Variants in CSMD2 observed in about 807,000 individuals in gnomAD.
The protein encoded by CSMD2 is CUB and Sushi multiple domains 2, also known as CUB and sushi domain-containing protein 2.
CSMD2 carries 130 observed loss-of-function variants against 398.5 expected under a neutral mutation model. That is an observed-to-expected ratio of 0.33 (90% CI 0.28 to 0.38). The LOEUF (loss-of-function observed/expected upper bound fraction) is 0.38, where lower values mean the gene tolerates loss of function less well. CSMD2 is among the 10% of genes least tolerant of loss of function. The probability of loss-of-function intolerance (pLI) is 1.00; values close to 1 mark genes in which losing one functional copy is unlikely to be tolerated. For missense variants in CSMD2, 3,829 were observed against 4,764.9 expected, an observed-to-expected ratio of 0.80 and a Z score of 5.78; for synonymous variants, 1,828 against 1,908.5, an observed-to-expected ratio of 0.96 and a Z score of 1.10.
chr1:33,969,921 C>T (rs1262225755), intron 3 of CSMD2, among the ~76,000 whole-genome samples: 4 of 151,788 alleles, frequency 2.6e-5, no homozygotes, highest in African/African-American at 7.3e-5. Flanking sequence ...AGATCAGCCT[C>T]AACATGGAGA....
chr1:33,759,760 C>T (rs1328662252), intron 13 of CSMD2, among the ~76,000 whole-genome samples: 1 of 152,192 alleles, frequency 6.6e-6, no homozygotes, highest in African/African-American at 2.4e-5. Flanking sequence ...CCTTTCTTGG[C>T]ATGAGGTCTT....
intron 2 of CSMD2, among the ~76,000 whole-genome samples, chr1:34,079,216 C>A (rs1362265561): frequency 6.6e-6 from 1 of 152,072 alleles, no homozygotes; most frequent in Non-Finnish European, 1.5e-5. Context: ...CAAGGCTAGC[C>A]ACTCTGACCA....
At chr1:34,151,819 C>T (rs576100527) in intron 1 of CSMD2, among the ~76,000 whole-genome samples, 1 of 147,920 alleles carries the variant, frequency 6.8e-6, no homozygotes, top group Admixed American at 6.7e-5. Flanking sequence ...CTCCCTCCCC[C>T]CCCTTCTCTC....
intron 1 of CSMD2, among the ~76,000 whole-genome samples, chr1:34,158,670 GTAGTAA>G (rs572043954): frequency 6.6e-6 from 1 of 152,192 alleles, no homozygotes; most frequent in African/African-American, 2.4e-5. Context: ...GACCGTAGTT[GTAGTAA>G]TAGTAATAGT....
chr1:33,864,788 C>T (rs762271405), intron 5 of CSMD2: 54 of 1,533,868 alleles, frequency 3.5e-5, no homozygotes, highest in Non-Finnish European at 3.5e-5. Context: ...GCCATTCAAC[C>T]GTATTTCCTG....
chr1:33,931,487 TG>T (rs1644311284), intron 4 of CSMD2, among the ~76,000 whole-genome samples: 2 of 125,436 alleles, frequency 1.6e-5, no homozygotes, highest in Non-Finnish European at 3.3e-5. Flanking sequence ...GGGAGGTGAC[TG>T]GGGGTGGGGG....
At chr1:33,898,756 A>T (rs1017635076) in intron 5 of CSMD2, among the ~76,000 whole-genome samples, 1 of 152,200 alleles carries the variant, frequency 6.6e-6, no homozygotes, top group African/African-American at 2.4e-5. Context: ...GCCAGGGCTG[A>T]AGGAAGCTTG....
At chr1:34,022,098 T>C (rs943979345) in intron 3 of CSMD2, among the ~76,000 whole-genome samples, 4 of 152,184 alleles carry the variant, frequency 2.6e-5, no homozygotes, top group East Asian at 1.9e-4. Flanking sequence ...GCCTTTCACA[T>C]GGGGCAAGAC....
chr1:33,640,813 A>G (rs746380873), intron 29 of CSMD2, among the ~76,000 whole-genome samples: 2 of 152,224 alleles, frequency 1.3e-5, no homozygotes, highest in Non-Finnish European at 2.9e-5. Flanking sequence ...AATATAAGAT[A>G]GTTCTAATTT....
chr1:33,614,017 C>T lies in CSMD2; in HGVS notation c.6133+487G>A, dbSNP rs750648205. 7.9e-5 allele frequency among the ~76,000 whole-genome samples: 12 copies of T among 151,962 alleles called. 1 individual carries two copies. Among genetic ancestry groups the T allele is most frequent in the Admixed American group, 5.2e-4 (8 of 15,264 alleles). ...CTCTAGGCCAGCTAGAATGTGCATA[C>T]GAAGAAGAATGCAAACTCGATTTCT... is the stretch of plus-strand genomic sequence containing the variant. On this transcript the variant is annotated intron_variant, in intron 40 of 70. Coordinates refer to ENST00000373381, the MANE Select transcript of CSMD2 (RefSeq NM_001281956.2).
At chr1:33,644,787 A>G (rs975018105) in intron 29 of CSMD2, among the ~76,000 whole-genome samples, 23 of 152,094 alleles carry the variant, frequency 1.5e-4, no homozygotes, top group Admixed American at 2.0e-4. Context: ...TAGAATTCCA[A>G]AGTGTCTGAC....
At chr1:33,701,301 AGGGT>A (rs1468753572) in intron 22 of CSMD2, among the ~76,000 whole-genome samples, 2 of 152,186 alleles carry the variant, frequency 1.3e-5, no homozygotes, top group African/African-American at 4.8e-5. Context: ...GGGCTTGCCA[AGGGT>A]GGAATCGTAC....
rs1189666227 is a variant in CSMD2, at chr1:34,165,185, G to GA, written c.-89dup. On this transcript the variant is annotated 5_prime_UTR_variant, in exon 1 of 71. Transcript: ENST00000373381. Reference sequence around the variant, plus strand: ...GAGCTCTGGAGCTTTTTTCTGCTCGGAAAAAATCCCGGTACGCGGGAGCCC... The same window carrying GA: ...GAGCTCTGGAGCTTTTTTCTGCTCGGAAAAAAATCCCGGTACGCGGGAGCCC... 10 of 1,176,810 alleles carry GA rather than the reference G, an allele frequency of 8.5e-6. No homozygotes were observed. The highest frequency in any genetic ancestry group is 3.2e-5 in the African/African-American group (2 of 62,270). 72.9% of individuals were successfully genotyped at this position (1,176,810 alleles called of 1,614,324 possible). A position where few individuals can be genotyped will look rare whatever the true frequency, so the allele number is the denominator to read the frequency against.
chr1:33,823,777 A>T (rs1658464227), intron 7 of CSMD2, among the ~76,000 whole-genome samples: 1 of 152,252 alleles, frequency 6.6e-6, no homozygotes, highest in Admixed American at 6.5e-5. Flanking sequence ...AACTCTTAGA[A>T]TGGAGGCTAA....
At position 33,918,110 on chromosome 1, in the gene CSMD2, C is replaced by G; in HGVS notation, c.904G>C (p.Glu302Gln). Residue 302 changes from glutamate (E) to glutamine (Q), a missense_variant, in exon 5 of 71, where the codon GAA becomes CAA. Physicochemically the swap from Glu to Gln is conservative, Grantham distance 29. Coordinates refer to ENST00000373381, the MANE Select transcript of CSMD2 (RefSeq NM_001281956.2). ...TGTGCTTACCAGAGGGAGGAGCCTT[C>G]TGTCCCAGTGACTTCCAGAAAGTCG... ...GYDFLEVTGT[E>Q]GSSLWFTGAS... The G allele has an allele frequency of 6.2e-7, 1 of 1,613,880 alleles. No individual in the cohort carries two copies.
intron 1 of CSMD2, among the ~76,000 whole-genome samples, chr1:34,157,122 G>A (rs1475161135): frequency 6.6e-6 from 1 of 152,126 alleles, no homozygotes; most frequent in Admixed American, 6.5e-5. Flanking sequence ...GACTCCCAGG[G>A]TCTCCCTGAA....
intron 5 of CSMD2, among the ~76,000 whole-genome samples, chr1:33,876,634 T>C (rs1640859002): frequency 6.6e-6 from 1 of 152,202 alleles, no homozygotes; most frequent in South Asian, 2.1e-4. Context: ...GTTAGGCGAC[T>C]TGCTTGAGGT....
intron 25 of CSMD2, among the ~76,000 whole-genome samples, chr1:33,682,906 A>G (rs963263479): frequency 6.6e-6 from 1 of 151,988 alleles, no homozygotes; most frequent in Non-Finnish European, 1.5e-5. Context: ...GACTCCTTTC[A>G]CTTCACTGAG....
At chr1:33,866,174 G>A (rs1344498543) in intron 5 of CSMD2, among the ~76,000 whole-genome samples, 4 of 152,172 alleles carry the variant, frequency 2.6e-5, no homozygotes, top group South Asian at 2.1e-4. Flanking sequence ...AGGTAATACA[G>A]TGATTTAGAA....
Sources: allele counts gnomAD v4.1 joint callset (sites outside exome capture counted in the v4.1 genomes callset), GRCh38; gene constraint gnomAD v4.1.1; transcripts MANE v1.5; gene names NCBI Gene and HGNC (gene_info 2026-07-23, HGNC 2026-07-21).